The following BOC variants were observed in gnomAD, a reference collection of about 807,000 sequenced individuals.
BOC encodes the protein brother of CDO.
A neutral mutation model predicts 112.0 loss-of-function variants in BOC; 76 were observed. The observed-to-expected ratio is 0.68, with a 90% CI of 0.56 to 0.82. BOC has a LOEUF of 0.82. BOC is among the 40% of genes least tolerant of loss of function. The pLI is 0.00. For missense variants in BOC, 1,309 were observed against 1,511.7 expected, an observed-to-expected ratio of 0.87 and a Z score of 2.22; for synonymous variants, 580 against 599.8, an observed-to-expected ratio of 0.97 and a Z score of 0.48.
chr3:113,257,790 T>G (rs1699619714), intron 4 of BOC, among the ~76,000 whole-genome samples: 1 of 152,220 alleles, frequency 6.6e-6, no homozygotes, highest in South Asian at 2.1e-4. Flanking sequence ...TTCTAAAGGC[T>G]TCTATTAAAT....
intron 4 of BOC, among the ~76,000 whole-genome samples, chr3:113,262,518 G>A (rs1012513984): frequency 1.3e-5 from 2 of 152,148 alleles, no homozygotes; most frequent in Admixed American, 6.6e-5. Context: ...TGGGCTGCAG[G>A]GGGTCTATGT....
At position 113,284,556 on chromosome 3, in the gene BOC, G is replaced by A. The variant is rs1435355183; in HGVS notation, c.2878G>A (p.Glu960Lys). Residue 960 changes from glutamate to lysine, a missense_variant, in exon 17 of 20, where the codon GAG (glutamate) becomes AAG (lysine). Physicochemically the swap from Glu to Lys is moderately conservative, Grantham distance 56 (BLOSUM62 1). Coordinates refer to ENST00000682979, the MANE Select transcript of BOC (RefSeq NM_001378074.1). ...GAAGCCCCAGCAGCACTGCCCAGGCGAGCTTCAGCAGGTAGCGCATTCTTG... is the reference window on the plus strand; with the variant it reads ...GAAGCCCCAGCAGCACTGCCCAGGCAAGCTTCAGCAGGTAGCGCATTCTTG... ...GMKPQQHCPG[E>K]LQQQSDTSSL... is the part of the protein sequence containing the mutation. The A allele has an allele frequency of 4.3e-6, 7 of 1,612,344 alleles. No individual in the cohort carries two copies. Among genetic ancestry groups the A allele is most frequent in the Admixed American group, 1.7e-5 (1 of 59,738 alleles).
In BOC at chr3:113,286,698, G is replaced by C; in HGVS notation, c.3184G>C (p.Val1062Leu). 1 of 1,600,974 alleles carries C rather than the reference G, an allele frequency of 6.2e-7. No individual in the cohort carries two copies. The highest frequency in any genetic ancestry group is 8.5e-7 in the Non-Finnish European group (1 of 1,174,684). Residue 1062 changes from valine (V) to leucine (L), a missense_variant, in exon 20 of 20, where the codon GTG becomes CTG. Val to Leu is a conservative substitution (Grantham distance 32). Coordinates refer to ENST00000682979, the MANE Select transcript of BOC (RefSeq NM_001378074.1). ...AGGGCCCCCATGCTGCTTGGGCCTT[G>C]TGCCAGTTGAAGAGGTGGACAGTCC... The part of the protein sequence containing the change: ...HSGPPCCLGL[V>L]PVEEVDSPDS...
intron 4 of BOC, among the ~76,000 whole-genome samples, chr3:113,257,905 A>T (rs1222586189): frequency 6.6e-6 from 1 of 152,196 alleles, no homozygotes; most frequent in Non-Finnish European, 1.5e-5. Context: ...TGCCCTAAGA[A>T]TTGGGAACAT....
At position 113,281,113 on chromosome 3, in the gene BOC, G is replaced by A. The variant is rs146445958; in HGVS notation, c.2394G>A (p.Gly798=). The change falls in exon 15 of 20, where the codon GGG becomes GGA. Residue 798 remains glycine (G), a synonymous_variant. Coordinates refer to ENST00000682979, the MANE Select transcript of BOC (RefSeq NM_001378074.1). ...AGATGCAGTGCTTCAATGAAGGAGG[G>A]GAGAGCGAGTTCAGCAACGTGATGA... The part of the protein sequence containing the change: ...DIKMQCFNEG[G]ESEFSNVMIC... 242 of 1,614,086 alleles carry A rather than the reference G, an allele frequency of 1.5e-4. 1 individual carries two copies. The African/African-American group carries it at 2.6e-3, about 17-fold the overall frequency.
chr3:113,284,595 G>A (rs1353757712), intron 17 of BOC, 28 bp downstream of exon 17: 2 of 1,594,728 alleles, frequency 1.3e-6, no homozygotes, highest in Admixed American at 3.5e-5. Context: ...GTGGGCGGCA[G>A]GTATGGGACA....
chr3:113,252,212 G>A (rs745466013), intron 4 of BOC, among the ~76,000 whole-genome samples: 5 of 152,188 alleles, frequency 3.3e-5, no homozygotes, highest in South Asian at 2.1e-4. Flanking sequence ...CTTTCCTGGC[G>A]CCTGAGGTGT....
chr3:113,239,110 C>T lies in BOC; in HGVS notation c.-81-10612C>T, dbSNP rs143796359. Among the ~76,000 whole-genome samples the T allele has an allele frequency of 3.2e-3, 491 of 152,188 alleles. 2 individuals are homozygous for T. Among genetic ancestry groups the T allele is most frequent in the African/African-American group, 0.011 (443 of 41,522 alleles). The stretch of plus-strand genomic sequence containing the variant: ...ACTCGATTTGGAAGACAGCATCAAA[C>T]AAAGTGTAAAAACATCTCAATTTTT... On this transcript the variant is annotated intron_variant, in intron 2 of 19. Coordinates refer to ENST00000682979, the MANE Select transcript of BOC (RefSeq NM_001378074.1).
At chr3:113,231,367 A>G (rs1252615980) in intron 2 of BOC, among the ~76,000 whole-genome samples, 1 of 152,230 alleles carries the variant, frequency 6.6e-6, no homozygotes, top group South Asian at 2.1e-4. Flanking sequence ...AGATAACTAC[A>G]CACCACATAT....
chr3:113,254,270 A>G (rs775219), intron 4 of BOC, among the ~76,000 whole-genome samples: 65,458 of 152,002 alleles, frequency 0.43, 16,177 homozygotes, highest in African/African-American at 0.66. Flanking sequence ...ATCAGAAGGC[A>G]AAATGTTTGG....
At chr3:113,284,933 T>C (rs1949529507) in intron 18 of BOC, 75 bp downstream of exon 18, 7 of 1,361,190 alleles carry the variant, frequency 5.1e-6, no homozygotes, top group Non-Finnish European at 7.3e-6. Flanking sequence ...ATCCAAGGCC[T>C]GTCACTGAGA....
chr3:113,258,529 C>T (rs889811557), intron 4 of BOC, among the ~76,000 whole-genome samples: 2 of 152,226 alleles, frequency 1.3e-5, no homozygotes, highest in African/African-American at 4.8e-5. Context: ...CCTGACAAAA[C>T]AGGAGGAGCC....
chr3:113,274,563 C>T lies in BOC; in HGVS notation c.1423C>T (p.Pro475Ser). Residue 475 changes from proline (P) to serine (S), a missense_variant, in exon 9 of 20, where the codon CCC (proline) becomes TCC (serine). Physicochemically the swap from Pro to Ser is moderately conservative, Grantham distance 74. Coordinates refer to ENST00000682979, the MANE Select transcript of BOC (RefSeq NM_001378074.1). The surrounding 1 kb of genome is among the most constrained non-coding windows in gnomAD (Gnocchi z 4.8). ...EKGQGAPAEA[P>S]IILSSPRTSK... ...GGGGCAGGGGGCTCCCGCCGAGGCT[C>T]CCATCATCCTCAGCTCGCCCCGCAC... 1 of 1,613,636 alleles carries T rather than the reference C, an allele frequency of 6.2e-7. No individual in the cohort carries two copies. Among genetic ancestry groups the T allele is most frequent in the Non-Finnish European group, 8.5e-7 (1 of 1,179,984 alleles).
chr3:113,236,702 G>A (rs1943610948), intron 2 of BOC, among the ~76,000 whole-genome samples: 1 of 152,030 alleles, frequency 6.6e-6, no homozygotes, highest in African/African-American at 2.4e-5. Context: ...AATAAAAGAT[G>A]AGCAATGAAC....
intron 2 of BOC, among the ~76,000 whole-genome samples, chr3:113,227,475 A>G (rs903167766): frequency 2.6e-5 from 4 of 152,230 alleles, no homozygotes; most frequent in Non-Finnish European, 5.9e-5. Flanking sequence ...CCAGAGATTC[A>G]GGGAGATAGG....
intron 2 of BOC, among the ~76,000 whole-genome samples, chr3:113,234,002 C>G (rs1943083381): frequency 6.6e-6 from 1 of 152,190 alleles, no homozygotes; most frequent in Non-Finnish European, 1.5e-5. Context: ...GATCCAAACT[C>G]CATGGACTAG....
intron 16 of BOC, 41 bp from the exon 17 acceptor site, chr3:113,284,294 T>C: frequency 6.4e-7 from 1 of 1,560,556 alleles, no homozygotes; most frequent in South Asian, 1.1e-5. Flanking sequence ...CATCCCGGGC[T>C]ACCTTGGCCT....
Position 113,250,622 on chromosome 3 carries a change from G to A in BOC, c.165G>A (p.Leu55=). Residue 55 remains leucine (L), a synonymous_variant, in exon 4 of 20, where the codon TTG becomes TTA. Transcript: ENST00000682979. ...TVQKPGGTVI[L]GCVVEPPRMN... is the part of the protein sequence containing the mutation. ...AGAAGCCCGGAGGCACTGTGATCTT[G>A]GGCTGCGTGGTGGAACCTCCAAGGA... 1 of 1,614,166 alleles carries A rather than the reference G, an allele frequency of 6.2e-7. No individual in the cohort carries two copies. Among genetic ancestry groups the A allele is most frequent in the Non-Finnish European group, 8.5e-7 (1 of 1,180,018 alleles).
At chr3:113,262,410 A>G (rs933702742) in intron 4 of BOC, among the ~76,000 whole-genome samples, 2 of 152,246 alleles carry the variant, frequency 1.3e-5, no homozygotes, top group African/African-American at 4.8e-5. Flanking sequence ...AGTGCTTGGC[A>G]TAATAGACAA....
Sources: gnomAD v4.1 joint callset for allele counts (sites outside exome capture counted in the v4.1 genomes callset) on GRCh38, gnomAD v4.1.1 for gene constraint, Gnocchi (gnomAD v3.1) non-coding constraint, MANE v1.5 for transcripts, NCBI Gene and HGNC (gene_info 2026-07-23, HGNC 2026-07-21) for gene names.